SNTG1: variants seen among roughly 807,000 people sequenced by gnomAD.
SNTG1 encodes gamma-1-syntrophin.
A neutral mutation model predicts 74.7 loss-of-function variants in SNTG1; 39 were observed. The observed-to-expected ratio is 0.52, with a 90% CI of 0.40 to 0.68. SNTG1 has a LOEUF of 0.68. Ranked by LOEUF, SNTG1 falls within the 30% of genes least tolerant of loss-of-function variation. The pLI is 0.00. For missense variants in SNTG1, 685 were observed against 609.5 expected (o/e 1.12, Z -1.30); for synonymous variants, 254 against 217.1 (o/e 1.17, Z -1.49).
At chr8:50,315,166 G>T (rs1432184339) in intron 2 of SNTG1, among the ~76,000 whole-genome samples, 1 of 149,632 alleles carries the variant, frequency 6.7e-6, no homozygotes, top group Non-Finnish European at 1.5e-5. Context: ...CAAGATAAGG[G>T]ATAGAGCTGC....
At chr8:50,268,668 T>TA (rs1013502838) in intron 2 of SNTG1, among the ~76,000 whole-genome samples, 3 of 151,394 alleles carry the variant, frequency 2.0e-5, no homozygotes, top group South Asian at 2.1e-4. Context: ...TTTTTTTTTT[T>TA]AATTTTTAGG....
Position 50,777,888 on chromosome 8 carries a change from T to C in SNTG1, c.1396-14783T>C, listed in dbSNP as rs1028415801. Among the ~76,000 whole-genome samples the C allele has an allele frequency of 3.3e-5, 5 of 152,132 alleles. No homozygotes were observed. In the South Asian group the frequency reaches 1.0e-3, roughly 32 times the overall value. ...CGACAACAGTCCCCAGAGTGTGATGTTCCCCTTCCTGTGTCCATGTGATCT... is the reference window on the plus strand; with the variant it reads ...CGACAACAGTCCCCAGAGTGTGATGCTCCCCTTCCTGTGTCCATGTGATCT... On this transcript the variant is annotated intron_variant, in intron 18 of 18. Coordinates refer to ENST00000642720, the MANE Select transcript of SNTG1 (RefSeq NM_018967.5).
intron 1 of SNTG1, among the ~76,000 whole-genome samples, chr8:49,993,967 C>A: frequency 6.6e-6 from 1 of 152,228 alleles, no homozygotes; most frequent in East Asian, 1.9e-4. Context: ...GGGGAAAGTT[C>A]TCTTCCTCTC....
At chr8:50,105,211 G>A (rs896600047) in intron 1 of SNTG1, among the ~76,000 whole-genome samples, 6 of 152,060 alleles carry the variant, frequency 3.9e-5, no homozygotes, top group African/African-American at 9.7e-5. Context: ...TATGTATATG[G>A]CGTAAGGAAG....
chr8:50,113,952 A>G (rs2080711379), intron 1 of SNTG1, among the ~76,000 whole-genome samples: 1 of 147,572 alleles, frequency 6.8e-6, no homozygotes, highest in African/African-American at 2.6e-5. Flanking sequence ...AAATAAATAA[A>G]TATGCATGGA....
At chr8:50,001,768 G>A (rs1023232608) in intron 1 of SNTG1, among the ~76,000 whole-genome samples, 1 of 152,168 alleles carries the variant, frequency 6.6e-6, no homozygotes, top group Non-Finnish European at 1.5e-5. Flanking sequence ...CATACCCAGA[G>A]ACCTCATAGC....
chr8:50,319,313 GA>G (rs779214301), intron 2 of SNTG1, among the ~76,000 whole-genome samples: 58 of 152,066 alleles, frequency 3.8e-4, no homozygotes, highest in Non-Finnish European at 8.4e-4. Context: ...TCAGTGAGCT[GA>G]GATCATGCTA....
intron 2 of SNTG1, among the ~76,000 whole-genome samples, chr8:50,319,156 G>A (rs1211688818): frequency 6.6e-6 from 1 of 151,948 alleles, no homozygotes; most frequent in East Asian, 1.9e-4. Context: ...TTTATTTAAC[G>A]ATTTTTGGAA....
intron 8 of SNTG1, among the ~76,000 whole-genome samples, chr8:50,492,312 C>G (rs2093864316): frequency 6.6e-6 from 1 of 152,214 alleles, no homozygotes; most frequent in African/African-American, 2.4e-5. Context: ...AATTGCCACA[C>G]TGTCTTCCAC....
intron 13 of SNTG1, among the ~76,000 whole-genome samples, chr8:50,607,947 T>C (rs2094824550): frequency 6.6e-6 from 1 of 151,846 alleles, no homozygotes; most frequent in South Asian, 2.1e-4. Flanking sequence ...TTGCCTGTAA[T>C]TTATTTCTTC....
At chr8:50,483,862 A>C (rs984126952) in intron 8 of SNTG1, among the ~76,000 whole-genome samples, 1 of 152,208 alleles carries the variant, frequency 6.6e-6, no homozygotes, top group African/African-American at 2.4e-5. Context: ...TATTAAAATA[A>C]GGATAAGTGC....
intron 1 of SNTG1, among the ~76,000 whole-genome samples, chr8:49,961,937 A>G (rs2129738429): frequency 6.6e-6 from 1 of 152,304 alleles, no homozygotes; most frequent in Admixed American, 6.5e-5. Context: ...TACTGGCTTT[A>G]CAAAAGGGAT....
At chr8:50,494,853 C>G (rs564418622) in intron 8 of SNTG1, among the ~76,000 whole-genome samples, 1 of 151,876 alleles carries the variant, frequency 6.6e-6, no homozygotes, top group Non-Finnish European at 1.5e-5. Flanking sequence ...TAAATAAGTA[C>G]AATTTTATCA....
chr8:49,979,287 CCG>C (rs1385415496), intron 1 of SNTG1, among the ~76,000 whole-genome samples: 1 of 152,168 alleles, frequency 6.6e-6, no homozygotes, highest in Non-Finnish European at 1.5e-5. Context: ...CCCCGCACCG[CCG>C]CCTGCCCCGC....
intron 11 of SNTG1, among the ~76,000 whole-genome samples, chr8:50,542,713 G>A (rs1401092371): frequency 6.6e-6 from 1 of 152,180 alleles, no homozygotes; most frequent in Non-Finnish European, 1.5e-5. Flanking sequence ...TTCACCAACA[G>A]TGCATAAGGA....
intron 1 of SNTG1, among the ~76,000 whole-genome samples, chr8:50,144,231 A>G (rs950299303): frequency 1.3e-5 from 2 of 152,246 alleles, no homozygotes; most frequent in Non-Finnish European, 2.9e-5. Context: ...CTTTTTAGAC[A>G]AATTACTTAG....
chr8:50,188,072 A>G (rs1448932947), intron 2 of SNTG1, among the ~76,000 whole-genome samples: 3 of 152,150 alleles, frequency 2.0e-5, no homozygotes, highest in Admixed American at 1.3e-4. Flanking sequence ...CATCAACAGA[A>G]CAGGCCATTC....
chr8:50,632,979 T>C (rs1376500868), intron 13 of SNTG1, among the ~76,000 whole-genome samples: 1 of 152,212 alleles, frequency 6.6e-6, no homozygotes, highest in Non-Finnish European at 1.5e-5. Context: ...TCATGGCCTA[T>C]AACAATTTGT....
At chr8:50,330,686 C>T (rs1207525004) in intron 2 of SNTG1, among the ~76,000 whole-genome samples, 2 of 152,194 alleles carry the variant, frequency 1.3e-5, no homozygotes, top group African/African-American at 4.8e-5. Flanking sequence ...GTTTCATTGA[C>T]TCACAGTTCC....
Sources: allele counts gnomAD v4.1 joint callset (sites outside exome capture counted in the v4.1 genomes callset), GRCh38; gene constraint gnomAD v4.1.1; transcripts MANE v1.5; gene names NCBI Gene and HGNC (gene_info 2026-07-23, HGNC 2026-07-21).